Variants in NUP153 observed in about 807,000 individuals in gnomAD.
NUP153 encodes the protein nucleoporin 153, also known as nuclear pore complex protein Nup153.
Under a neutral mutation model 134.6 loss-of-function variants are expected in NUP153, and 27 were observed. The ratio of observed to expected loss-of-function variants is 0.20; its 90% confidence interval spans 0.15 to 0.28. The LOEUF (loss-of-function observed/expected upper bound fraction) is 0.28. Ranked by LOEUF, NUP153 falls within the 10% of genes least tolerant of loss-of-function variation. The pLI is 1.00. For missense variants in NUP153, 1,821 were observed against 1,731.3 expected, an observed-to-expected ratio of 1.05 and a Z score of -0.92; for synonymous variants, 640 against 623.5, an observed-to-expected ratio of 1.03 and a Z score of -0.40.
chr6:17,630,747 A>T (rs1581672531), intron 17 of NUP153, among the ~76,000 whole-genome samples: 1 of 119,642 alleles, frequency 8.4e-6, no homozygotes, highest in Non-Finnish European at 1.7e-5. Context: ...AGGGGAGGGG[A>T]GAAGGGAGGG....
At chr6:17,656,514 A>G (rs575463928) in intron 11 of NUP153, among the ~76,000 whole-genome samples, 2 of 152,252 alleles carry the variant, frequency 1.3e-5, no homozygotes, top group East Asian at 3.9e-4. Flanking sequence ...AGCTGGGACC[A>G]CAGGCGCTAA....
chr6:17,649,543 A>G (rs1195070604), intron 11 of NUP153, among the ~76,000 whole-genome samples: 1 of 138,054 alleles, frequency 7.2e-6, no homozygotes, highest in East Asian at 2.2e-4. Flanking sequence ...TGAGGGAAAA[A>G]AGATAGTAAT....
intron 16 of NUP153, among the ~76,000 whole-genome samples, chr6:17,636,945 T>C (rs549844555): frequency 8.2e-4 from 125 of 152,324 alleles, no homozygotes; most frequent in Non-Finnish European, 1.1e-3. Context: ...GGTCGTCATA[T>C]ATACCAGACT....
rs2229509 is a variant in NUP153, at chr6:17,637,727, G to A, written c.1890C>T (p.Thr630=). 20,430 of 1,605,634 alleles carry A rather than the reference G, an allele frequency of 0.013. 354 individuals carry two copies. Among genetic ancestry groups the A allele is most frequent in the African/African-American group, 0.083 (6,190 of 74,978 alleles). The change falls in exon 16 of 22, where the codon ACC becomes ACT. Residue 630 remains threonine, a synonymous_variant. Coordinates refer to ENST00000262077, the MANE Select transcript of NUP153 (RefSeq NM_005124.4). ...TTGTATAAACTACTGGGCTTGTTGC[G>A]GTGGGCTGAGCAGCAACAGAATCTA... is the stretch of plus-strand genomic sequence containing the variant. The part of the protein sequence containing the change: ...PKIDSVAAQP[T]ATSPVVYTRP...
At position 17,706,407 on chromosome 6, in the gene NUP153, CCCG is replaced by C. The variant is rs763503344; in HGVS notation, c.-23_-21del. 2.0e-5 allele frequency: 32 copies of C among 1,597,424 alleles called. No homozygotes were observed. Among genetic ancestry groups the C allele is most frequent in the Admixed American group, 5.0e-5 (3 of 59,854 alleles). ...GGCCATGGCGGAGCCTCCGCCGCTT[CCCG>C]CTCCGGGGCGGGTAAGGGGGCGGGA... On this transcript the variant is annotated 5_prime_UTR_variant, in exon 1 of 22. Coordinates refer to ENST00000262077, the MANE Select transcript of NUP153 (RefSeq NM_005124.4). The surrounding 1 kb of genome is among the most constrained non-coding windows in gnomAD (Gnocchi z 5.9).
intron 12 of NUP153, among the ~76,000 whole-genome samples, chr6:17,648,205 G>A (rs1167247995): frequency 6.6e-6 from 1 of 152,168 alleles, no homozygotes; most frequent in East Asian, 1.9e-4. Context: ...TCAGGAGCAG[G>A]CCAGGTACAG....
At chr6:17,661,822 T>C (rs1427486189) in intron 10 of NUP153, 43 bp from the exon 11 acceptor site, 1 of 1,585,694 alleles carries the variant, frequency 6.3e-7, no homozygotes, top group South Asian at 1.1e-5. Context: ...TATATTATTG[T>C]GGTCCATAAC....
intron 17 of NUP153, among the ~76,000 whole-genome samples, chr6:17,629,935 T>C (rs1195401096): frequency 6.6e-6 from 1 of 152,230 alleles, no homozygotes; most frequent in East Asian, 1.9e-4. Context: ...TGCAATTCTA[T>C]AGCTGGAGTT....
chr6:17,648,393 G>C (rs572785282), intron 12 of NUP153, among the ~76,000 whole-genome samples: 11 of 152,254 alleles, frequency 7.2e-5, no homozygotes, highest in Admixed American at 2.0e-4. Flanking sequence ...AAGGCAGGCG[G>C]ATCACCTGAA....
intron 9 of NUP153, among the ~76,000 whole-genome samples, chr6:17,663,260 C>CACACACATAT (rs1389702878): frequency 1.8e-4 from 25 of 140,078 alleles, no homozygotes; most frequent in Non-Finnish European, 2.9e-4. Context: ...CACACACACA[C>CACACACATAT]ATATATATAT....
intron 11 of NUP153, among the ~76,000 whole-genome samples, chr6:17,653,489 T>G (rs574736846): frequency 6.6e-6 from 1 of 152,118 alleles, no homozygotes; most frequent in Non-Finnish European, 1.5e-5. Flanking sequence ...ATGGCACACT[T>G]TAGAAAACAG....
chr6:17,690,406 T>G (rs1337860117), intron 1 of NUP153, among the ~76,000 whole-genome samples: 1 of 151,250 alleles, frequency 6.6e-6, no homozygotes, highest in Non-Finnish European at 1.5e-5. Flanking sequence ...GCTTTGGGAT[T>G]GCCAGGACCT....
intron 5 of NUP153, among the ~76,000 whole-genome samples, chr6:17,673,330 C>T (rs963299080): frequency 4.6e-5 from 7 of 151,758 alleles, no homozygotes; most frequent in African/African-American, 1.7e-4. Flanking sequence ...CAAGCTTGGG[C>T]GACAGCACAA....
At chr6:17,643,638 G>T (rs1462020917) in intron 14 of NUP153, among the ~76,000 whole-genome samples, 1 of 152,184 alleles carries the variant, frequency 6.6e-6, no homozygotes, top group African/African-American at 2.4e-5. Context: ...GAGGGGAAAA[G>T]GAGACAATGG....
intron 20 of NUP153, among the ~76,000 whole-genome samples, chr6:17,617,465 T>C (rs1462642921): frequency 1.9e-5 from 2 of 105,776 alleles, no homozygotes; most frequent in Non-Finnish European, 3.7e-5. Flanking sequence ...TAGTGGGAAT[T>C]AAAAAAAAAA....
At position 17,629,113 on chromosome 6, in the gene NUP153, A is replaced by G; in HGVS notation, c.3086T>C (p.Ile1029Thr). The change falls in exon 18 of 22, where the codon ATT (isoleucine) becomes ACT (threonine). Residue 1029 changes from isoleucine to threonine, a missense_variant. Transcript: ENST00000262077. The stretch of plus-strand genomic sequence containing the variant: ...GTTAGCAGGAGCAGGGGTGGAGTTA[A>G]TAACACCTGTACCAAAGCTAAAACC... ...SAGFSFGTGV[I>T]NSTPAPANTI... 1 of 1,614,158 alleles carries G rather than the reference A, an allele frequency of 6.2e-7. No individual in the cohort carries two copies. Among genetic ancestry groups the G allele is most frequent in the South Asian group, 1.1e-5 (1 of 91,066 alleles).
chr6:17,632,846 T>TAAAAAAAAA lies in NUP153; in HGVS notation c.2465-11_2465-3dup. 4.6e-6 allele frequency: 4 copies of TAAAAAAAAA among 864,564 alleles called. No individual in the cohort carries two copies. Among genetic ancestry groups the TAAAAAAAAA allele is most frequent in the African/African-American group, 2.1e-5 (1 of 48,698 alleles). 53.6% of individuals were successfully genotyped at this position (864,564 alleles called of 1,614,324 possible). ...TACTTGAAGCAGGTACTGAACTTCC[T>TAAAAAAAAA]AAAAAAAAAAAAAAAAACGGGGAGT... On this transcript the variant is annotated splice_polypyrimidine_tract_variant and splice_region_variant and intron_variant, in intron 16 of 21. Transcript: ENST00000262077.
intron 2 of NUP153, among the ~76,000 whole-genome samples, chr6:17,685,474 A>G (rs1459433807): frequency 6.6e-6 from 1 of 150,936 alleles, no homozygotes; most frequent in East Asian, 2.0e-4. Context: ...GTGTGAACCC[A>G]GGAGGCGGAG....
rs189681498 is a variant in NUP153 at position 17,631,178 on chromosome 6, T to C, written c.2659+1472A>G. On this transcript the variant is annotated intron_variant, in intron 17 of 21. Coordinates refer to ENST00000262077, the MANE Select transcript of NUP153 (RefSeq NM_005124.4). ...TTTTAAAATAAAATAAAACAGAAAA[T>C]ACCAGGGAACCTTACACCTACCAGA... 8.3e-4 allele frequency among the ~76,000 whole-genome samples: 127 copies of C among 152,124 alleles called. 3 individuals are homozygous for C. The South Asian group carries it at 0.019, about 23-fold the overall frequency.
Sources: allele counts gnomAD v4.1 joint callset (sites outside exome capture counted in the v4.1 genomes callset), GRCh38; gene constraint gnomAD v4.1.1; non-coding constraint Gnocchi (gnomAD v3.1); transcripts MANE v1.5; gene names NCBI Gene and HGNC (gene_info 2026-07-23, HGNC 2026-07-21).